The following CPT1A variants were observed in gnomAD, a reference collection of about 807,000 sequenced individuals.
The protein encoded by CPT1A is carnitine palmitoyltransferase 1A.
Under a neutral mutation model 100.8 loss-of-function variants are expected in CPT1A, and 64 were observed. The ratio of observed to expected loss-of-function variants is 0.63; its 90% confidence interval spans 0.52 to 0.78. CPT1A has a LOEUF of 0.78. Ranked by LOEUF, CPT1A falls within the 30% of genes least tolerant of loss-of-function variation. CPT1A has a pLI of 0.00. For missense variants in CPT1A, 802 were observed against 1,034.1 expected, an observed-to-expected ratio of 0.78 and a Z score of 3.08; for synonymous variants, 363 against 396.0, an observed-to-expected ratio of 0.92 and a Z score of 0.99.
chr11:68,841,814 G>A lies in CPT1A; in HGVS notation c.-53C>T. ...AGGTGCGGCAGCGGCAGCGGCAGCG[G>A]CGGCGGCGGCGGCGGCGGTGGAGTG... On this transcript the variant is annotated 5_prime_UTR_variant, in exon 1 of 19. Coordinates refer to ENST00000265641, the MANE Select transcript of CPT1A (RefSeq NM_001876.4). The surrounding 1 kb of genome is among the most constrained non-coding windows in gnomAD (Gnocchi z 6.3). 1.0e-6 allele frequency: 1 copy of A among 996,492 alleles called. No homozygotes were observed. Among genetic ancestry groups the A allele is most frequent in the Non-Finnish European group, 1.2e-6 (1 of 839,380 alleles). The allele number at this position is 996,492 out of a possible 1,614,324, so 61.7% of individuals were successfully genotyped here. A position where few individuals can be genotyped will look rare whatever the true frequency, so the allele number is the denominator to read the frequency against.
At chr11:68,765,251 T>A (rs1854760001) in intron 14 of CPT1A, among the ~76,000 whole-genome samples, 1 of 152,226 alleles carries the variant, frequency 6.6e-6, no homozygotes, top group Non-Finnish European at 1.5e-5. Context: ...TCATTTGAAA[T>A]CAATGTTCCA....
At chr11:68,787,611 G>A (rs186343535) in intron 9 of CPT1A, among the ~76,000 whole-genome samples, 4 of 152,128 alleles carry the variant, frequency 2.6e-5, no homozygotes, top group Admixed American at 2.6e-4. Flanking sequence ...GGTCATTAGG[G>A]TGGGCCCTAA....
At position 68,841,582 on chromosome 11, in the gene CPT1A, C is replaced by A. The variant is rs929811152; in HGVS notation, c.-14+193G>T. Among the ~76,000 whole-genome samples, 1 of 152,182 alleles carries A rather than the reference C, an allele frequency of 6.6e-6. No individual in the cohort carries two copies. The highest frequency in any genetic ancestry group is 2.4e-5 in the African/African-American group (1 of 41,452). On this transcript the variant is annotated intron_variant, in intron 1 of 18. Transcript: ENST00000265641. The surrounding 1 kb of genome is among the most constrained non-coding windows in gnomAD (Gnocchi z 6.3). Reference sequence around the variant, plus strand: ...CCCTGGGGAACATGGGGAGCCCCGGCCTCTTTCTGGGTTCAGGATCTCCAC... The same window carrying A: ...CCCTGGGGAACATGGGGAGCCCCGGACTCTTTCTGGGTTCAGGATCTCCAC...
chr11:68,792,365 T>A (rs939614923), intron 9 of CPT1A, among the ~76,000 whole-genome samples: 5 of 151,906 alleles, frequency 3.3e-5, no homozygotes, highest in Admixed American at 3.3e-4. Context: ...AAATTGCAGG[T>A]CAGCTCTGGC....
chr11:68,799,168 G>T, intron 6 of CPT1A, 50 bp downstream of exon 6: 1 of 904,506 alleles, frequency 1.1e-6, no homozygotes, highest in Non-Finnish European at 1.6e-6. Context: ...CAAAATTAGC[G>T]TCTTCATACG....
At chr11:68,754,707 G>C (rs2153994155), downstream of CPT1A, 2 of 736,600 alleles carry the variant, frequency 2.7e-6, no homozygotes, top group South Asian at 2.8e-5. Context: ...TAAATGCACA[G>C]CAAGTGAAAA....
chr11:68,760,122 G>T (rs1403893758), intron 17 of CPT1A, 103 bp downstream of exon 17: 5 of 797,430 alleles, frequency 6.3e-6, no homozygotes, highest in Middle Eastern at 3.4e-4. Flanking sequence ...CGGTAGAACC[G>T]CAAGGTAACG....
At chr11:68,814,688 TA>T (rs1594362659) in intron 2 of CPT1A, among the ~76,000 whole-genome samples, 1 of 151,580 alleles carries the variant, frequency 6.6e-6, no homozygotes, top group African/African-American at 2.4e-5. Context: ...TTGGAAAAAA[TA>T]TTTTTTTGTT....
rs3019603 is a variant in CPT1A, at chr11:68,799,371, G to A, written c.556-16C>T. 0.96 allele frequency: 1,476,012 copies of A among 1,531,282 alleles called. 712,111 individuals are homozygous for A. Among genetic ancestry groups the A allele is most frequent in the Non-Finnish European group, 0.98 (1,092,643 of 1,114,540 alleles). 94.9% of individuals were successfully genotyped at this position (1,531,282 alleles called of 1,614,324 possible). A position where few individuals can be genotyped will look rare whatever the true frequency, so the allele number is the denominator to read the frequency against. On this transcript the variant is annotated splice_polypyrimidine_tract_variant and intron_variant, in intron 5 of 18. Transcript: ENST00000265641. ...ACTGTAGATACTGGGATTATTGGGGGAAAAAAAAATCACCCAAGTTAAAAC... is the reference window on the plus strand; with the variant it reads ...ACTGTAGATACTGGGATTATTGGGGAAAAAAAAAATCACCCAAGTTAAAAC...
At chr11:68,763,779 C>G (rs576631834) in intron 14 of CPT1A, among the ~76,000 whole-genome samples, 1 of 152,120 alleles carries the variant, frequency 6.6e-6, no homozygotes, top group Non-Finnish European at 1.5e-5. Flanking sequence ...AGCGCTCACT[C>G]GTGGGGAGGG....
chr11:68,764,605 G>C (rs2924672), intron 14 of CPT1A, among the ~76,000 whole-genome samples: 13,264 of 152,166 alleles, frequency 0.087, 861 homozygotes, highest in African/African-American at 0.17. Flanking sequence ...CGCTCAGCCG[G>C]GGAAGGCCTG....
chr11:68,762,551 C>A, intron 15 of CPT1A, 76 bp downstream of exon 15: 2 of 1,580,366 alleles, frequency 1.3e-6, no homozygotes, highest in Non-Finnish European at 1.7e-6. Flanking sequence ...ATCAGAGAAG[C>A]TGGAGTGATG....
chr11:68,835,943 T>C (rs1208763914), intron 1 of CPT1A, among the ~76,000 whole-genome samples: 1 of 152,190 alleles, frequency 6.6e-6, no homozygotes, highest in Non-Finnish European at 1.5e-5. Flanking sequence ...TGTTAGGTCT[T>C]TACTGCAGGA....
intron 1 of CPT1A, among the ~76,000 whole-genome samples, chr11:68,840,356 G>A (rs1857129213): frequency 6.6e-6 from 1 of 152,154 alleles, no homozygotes; most frequent in Non-Finnish European, 1.5e-5. Context: ...TTATTCACTT[G>A]GTTTGTGGCT....
chr11:68,778,816 C>T (rs1229134111), intron 12 of CPT1A, among the ~76,000 whole-genome samples: 2 of 151,506 alleles, frequency 1.3e-5, no homozygotes, highest in African/African-American at 4.8e-5. Flanking sequence ...GATGGAGTCT[C>T]ACTCTTTCGT....
At chr11:68,812,724 C>CACTAGCTGGGA in intron 2 of CPT1A, 148 bp from the exon 3 acceptor site, 1 of 861,388 alleles carries the variant, frequency 1.2e-6, no homozygotes, top group Non-Finnish European at 1.9e-6. Context: ...AACCACACCC[C>CACTAGCTGGGA]ACTAGCTGGG....
chr11:68,827,428 A>C (rs1050325933), intron 1 of CPT1A, among the ~76,000 whole-genome samples: 28 of 152,338 alleles, frequency 1.8e-4, no homozygotes, highest in African/African-American at 6.5e-4. Flanking sequence ...GATAACCGCA[A>C]ACACACAGGC....
intron 1 of CPT1A, among the ~76,000 whole-genome samples, chr11:68,826,662 C>T (rs535530325): frequency 1.3e-4 from 19 of 150,090 alleles, no homozygotes; most frequent in African/African-American, 3.4e-4. Flanking sequence ...GGCGTGAACC[C>T]GGGAGCCGGA....
At chr11:68,781,746 G>A (rs765559487) in intron 11 of CPT1A, 25 bp downstream of exon 11, 6 of 1,611,834 alleles carry the variant, frequency 3.7e-6, no homozygotes, top group East Asian at 4.5e-5. Flanking sequence ...GCAAACTCCT[G>A]TCTCTCAGAA....
Sources: allele counts gnomAD v4.1 joint callset (sites outside exome capture counted in the v4.1 genomes callset), GRCh38; gene constraint gnomAD v4.1.1; non-coding constraint Gnocchi (gnomAD v3.1); transcripts MANE v1.5; gene names NCBI Gene and HGNC (gene_info 2026-07-23, HGNC 2026-07-21).